The following METTL16 variants were observed in gnomAD, a reference collection of about 807,000 sequenced individuals.
METTL16 encodes the protein methyltransferase 16, RNA N6-adenosine, also known as RNA N(6)-adenosine-methyltransferase METTL16.
A neutral mutation model predicts 57.9 loss-of-function variants in METTL16; 19 were observed. That is an observed-to-expected ratio of 0.33 (90% CI 0.23 to 0.48). The LOEUF (loss-of-function observed/expected upper bound fraction) is 0.48, where lower values mean the gene tolerates loss of function less well. METTL16 is among the 20% of genes least tolerant of loss of function. The probability of loss-of-function intolerance (pLI) is 0.99; values close to 1 mark genes in which losing one functional copy is unlikely to be tolerated. For synonymous variants in METTL16, 246 were observed against 255.6 expected, an observed-to-expected ratio of 0.96 and a Z score of 0.36; for missense variants, 434 against 691.5, an observed-to-expected ratio of 0.63 and a Z score of 4.18.
chr17:2,420,659 TAAAAAAA>T lies in METTL16; in HGVS notation c.1062+65_1063-64del, dbSNP rs11427343. ...GTTTCCCCTCTCTCCAAACTCTCAA[TAAAAAAA>T]AAAAGAAAAAAGAAAAAAGAGAAGG... is the stretch of plus-strand genomic sequence containing the variant. On this transcript the variant is annotated intron_variant, in intron 9 of 9. Transcript: ENST00000263092. The surrounding 1 kb of genome is among the most constrained non-coding windows in gnomAD (Gnocchi z 5.4). 2 of 726,980 alleles carry T rather than the reference TAAAAAAA, an allele frequency of 2.8e-6. No homozygotes were observed. The highest frequency in any genetic ancestry group is 4.0e-5 in the African/African-American group (2 of 50,446). 45.0% of individuals were successfully genotyped at this position (726,980 alleles called of 1,614,324 possible).
intron 6 of METTL16, chr17:2,459,982 C>T (rs2067138605): frequency 6.6e-6 from 1 of 152,158 alleles, no homozygotes; most frequent in African/African-American, 2.4e-5. Flanking sequence ...GCCTGGGCAA[C>T]AAGAGCAAAA....
chr17:2,420,341 C>T lies in METTL16; in HGVS notation c.1318G>A (p.Glu440Lys), dbSNP rs769628187. ...CACGGGCCCTCCACAGCGGCAGCCT[C>T]GCCTTCCCGCAGAGCAGGCCCACAG... ...TPCGPALREG[E>K]AAAVEGPCPS... The change falls in exon 10 of 10, where the codon GAG becomes AAG. Residue 440 changes from glutamate to lysine, a missense_variant. Glu to Lys is a moderately conservative substitution (Grantham distance 56). Coordinates refer to ENST00000263092, the MANE Select transcript of METTL16 (RefSeq NM_024086.4). This position sits in a 1 kb window ranked among gnomAD's most constrained non-coding sequence, Gnocchi z 5.4. 8 of 1,611,718 alleles carry T rather than the reference C, an allele frequency of 5.0e-6. No individual in the cohort carries two copies. The highest frequency in any genetic ancestry group is 1.1e-5 in the South Asian group (1 of 91,086).
intron 4 of METTL16, among the ~76,000 whole-genome samples, chr17:2,469,162 G>A (rs1177841167): frequency 6.6e-6 from 1 of 152,010 alleles, no homozygotes; most frequent in African/African-American, 2.4e-5. Context: ...ACTTGAACCT[G>A]GGAGACAGAG....
chr17:2,467,930 G>A, intron 4 of METTL16, 54 bp from the exon 5 acceptor site: 1 of 1,221,898 alleles, frequency 8.2e-7, no homozygotes, highest in Non-Finnish European at 1.2e-6. Flanking sequence ...TGGTTCTAAA[G>A]TATAACCGCG....
intron 4 of METTL16, among the ~76,000 whole-genome samples, chr17:2,472,787 G>A (rs892795299): frequency 6.6e-6 from 1 of 152,158 alleles, no homozygotes; most frequent in Non-Finnish European, 1.5e-5. Flanking sequence ...ATGACATTCT[G>A]GAAAATGTAA....
At chr17:2,443,774 C>T (rs1273260995) in intron 6 of METTL16, among the ~76,000 whole-genome samples, 1 of 152,112 alleles carries the variant, frequency 6.6e-6, no homozygotes, top group African/African-American at 2.4e-5. Flanking sequence ...GCGGGGATTA[C>T]AGGGGTGAGC....
At chr17:2,472,357 A>G (rs1236260857) in intron 4 of METTL16, among the ~76,000 whole-genome samples, 1 of 152,172 alleles carries the variant, frequency 6.6e-6, no homozygotes, top group Non-Finnish European at 1.5e-5. Flanking sequence ...GGAGTGCAAA[A>G]CAGTACTCTG....
At chr17:2,504,536 G>C (rs143883664) in intron 1 of METTL16, among the ~76,000 whole-genome samples, 1 of 152,144 alleles carries the variant, frequency 6.6e-6, no homozygotes, top group East Asian at 1.9e-4. Context: ...TTAGTTAGAG[G>C]TTAGTTGTGT....
At chr17:2,437,638 G>A (rs1226706074) in intron 8 of METTL16, among the ~76,000 whole-genome samples, 4 of 152,064 alleles carry the variant, frequency 2.6e-5, no homozygotes, top group South Asian at 2.1e-4. Context: ...CGCAACCTCC[G>A]CCTCCTGGGT....
At chr17:2,488,518 C>T (rs1277372125) in intron 2 of METTL16, among the ~76,000 whole-genome samples, 1 of 151,980 alleles carries the variant, frequency 6.6e-6, no homozygotes, top group Non-Finnish European at 1.5e-5. Flanking sequence ...GAGATAGTGC[C>T]ACTGCACTCC....
chr17:2,478,861 T>C (rs771613566), intron 2 of METTL16, among the ~76,000 whole-genome samples: 3 of 152,216 alleles, frequency 2.0e-5, no homozygotes, highest in African/African-American at 4.8e-5. Flanking sequence ...ATTTTGTTTA[T>C]CCATTCACCA....
chr17:2,452,727 C>A (rs1310780312), intron 6 of METTL16, among the ~76,000 whole-genome samples: 4 of 152,186 alleles, frequency 2.6e-5, no homozygotes, highest in South Asian at 2.1e-4. Context: ...ATTACATCTT[C>A]CTTCATTCTG....
intron 8 of METTL16, among the ~76,000 whole-genome samples, chr17:2,436,439 T>C (rs1190286675): frequency 2.0e-5 from 3 of 152,154 alleles, no homozygotes; most frequent in African/African-American, 4.8e-5. Context: ...AAGCTCCTGT[T>C]TTCAGAAACA....
intron 6 of METTL16, among the ~76,000 whole-genome samples, chr17:2,462,727 C>T (rs1264088853): frequency 1.3e-5 from 2 of 152,156 alleles, no homozygotes; most frequent in East Asian, 1.9e-4. Flanking sequence ...CTTCCCCAGC[C>T]GTGCTTCCGG....
intron 6 of METTL16, among the ~76,000 whole-genome samples, chr17:2,450,159 C>CA (rs2067057979): frequency 6.6e-6 from 1 of 152,124 alleles, no homozygotes; most frequent in African/African-American, 2.4e-5. Flanking sequence ...TAATTAGACA[C>CA]AAAAAATTAT....
intron 2 of METTL16, among the ~76,000 whole-genome samples, chr17:2,483,886 G>A (rs1235537091): frequency 3.3e-5 from 5 of 152,186 alleles, no homozygotes; most frequent in African/African-American, 2.4e-5. Flanking sequence ...TACATATGAC[G>A]AAGAAGTTCA....
chr17:2,509,419 C>G (rs2151583263), intron 1 of METTL16, among the ~76,000 whole-genome samples: 1 of 152,208 alleles, frequency 6.6e-6, no homozygotes, highest in Admixed American at 6.5e-5. Context: ...GGATGGCCCC[C>G]AGTTCTCAAG....
At chr17:2,483,712 A>G (rs2151571850) in intron 2 of METTL16, among the ~76,000 whole-genome samples, 1 of 152,368 alleles carries the variant, frequency 6.6e-6, no homozygotes, top group East Asian at 1.9e-4. Context: ...GTATAAACTC[A>G]GGATCAACAA....
intron 1 of METTL16, among the ~76,000 whole-genome samples, chr17:2,502,610 C>T (rs936549473): frequency 5.9e-5 from 9 of 151,936 alleles, no homozygotes; most frequent in Non-Finnish European, 1.2e-4. Context: ...ATTGCTTGAA[C>T]CCAGGAGGTG....
Sources: gnomAD v4.1 joint callset for allele counts (sites outside exome capture counted in the v4.1 genomes callset) on GRCh38, gnomAD v4.1.1 for gene constraint, Gnocchi (gnomAD v3.1) non-coding constraint, MANE v1.5 for transcripts, NCBI Gene and HGNC (gene_info 2026-07-23, HGNC 2026-07-21) for gene names.